Variants in GCM1 observed in about 807,000 individuals in gnomAD.
GCM1 encodes chorion-specific transcription factor GCMa.
Under a neutral mutation model 25.7 loss-of-function variants are expected in GCM1, and 2 were observed. The observed-to-expected ratio is 0.08, with a 90% confidence interval of 0.03 to 0.24. GCM1 has a LOEUF of 0.24. GCM1 is among the 10% of genes least tolerant of loss of function. GCM1 has a pLI of 1.00. For synonymous variants in GCM1, 183 were observed against 195.7 expected (o/e 0.94, Z 0.54); for missense variants, 395 against 538.7 (o/e 0.73, Z 2.64).
intron 2 of GCM1, among the ~76,000 whole-genome samples, chr6:53,141,726 G>T (rs913996522): frequency 6.6e-6 from 1 of 151,512 alleles, no homozygotes; most frequent in East Asian, 1.9e-4. Context: ...CTTGAAGCCC[G>T]GGTGCAATGG....
intron 1 of GCM1, among the ~76,000 whole-genome samples, chr6:53,146,801 G>T (rs2127511646): frequency 6.6e-6 from 1 of 152,278 alleles, no homozygotes; most frequent in East Asian, 1.9e-4. Flanking sequence ...GGGAGGCCAA[G>T]ACACATGTAT....
intron 2 of GCM1, among the ~76,000 whole-genome samples, 171 bp downstream of exon 2, chr6:53,145,387 G>A (rs1278385750): frequency 2.6e-5 from 4 of 152,142 alleles, no homozygotes; most frequent in Admixed American, 2.6e-4. Context: ...TCAAATCATA[G>A]GTCTTGCCAT....
At chr6:53,143,116 A>G (rs1459826219) in intron 2 of GCM1, among the ~76,000 whole-genome samples, 1 of 152,190 alleles carries the variant, frequency 6.6e-6, no homozygotes, top group Non-Finnish European at 1.5e-5. Context: ...CTCAGAAAAT[A>G]CTAAGGAATA....
At chr6:53,143,943 C>G (rs1483984565) in intron 2 of GCM1, among the ~76,000 whole-genome samples, 2 of 152,120 alleles carry the variant, frequency 1.3e-5, no homozygotes, top group East Asian at 1.9e-4. Context: ...AATCTCTATT[C>G]CCTCTCCCCT....
rs571791546 is a variant in GCM1 at position 53,144,247 on chromosome 6, C to A, written c.75+1311G>T. 2.4e-4 allele frequency among the ~76,000 whole-genome samples: 37 copies of A among 151,616 alleles called. 1 individual carries two copies. Among genetic ancestry groups the A allele is most frequent in the African/African-American group, 7.3e-4 (30 of 41,018 alleles). ...GACCAACTTGGGCAACATTGTGAGA[C>A]CCTCCTCTCAAAAACATTTTTTTTT... On this transcript the variant is annotated intron_variant, in intron 2 of 5. Coordinates refer to ENST00000259803, the MANE Select transcript of GCM1 (RefSeq NM_003643.4).
intron 2 of GCM1, among the ~76,000 whole-genome samples, chr6:53,143,982 C>T (rs1179256496): frequency 6.6e-6 from 1 of 152,094 alleles, no homozygotes; most frequent in Admixed American, 6.5e-5. Flanking sequence ...TCCTTATTAC[C>T]CAGAATCAGG....
Position 53,128,519 on chromosome 6 carries a change from G to A in GCM1, c.998C>T (p.Ser333Phe). 1.2e-6 allele frequency: 2 copies of A among 1,614,098 alleles called. No individual in the cohort carries two copies. The highest frequency in any genetic ancestry group is 1.7e-6 in the Non-Finnish European group (2 of 1,179,968). ...AAGCTGCTGGTAAAAGGGTTCTGAA[G>A]AGTTTTGGGAAGGAGAGAAGCTGCA... ...WPCSFSPSQN[S>F]SEPFYQQLPL... The change falls in exon 6 of 6, where the codon TCT (serine) becomes TTT (phenylalanine). Residue 333 changes from serine to phenylalanine, a missense_variant. Transcript: ENST00000259803.
intron 2 of GCM1, among the ~76,000 whole-genome samples, chr6:53,142,473 G>A (rs1406285663): frequency 3.3e-5 from 5 of 152,140 alleles, no homozygotes; most frequent in African/African-American, 9.7e-5. Flanking sequence ...GTTGAACTTC[G>A]TATTGCTCTT....
At chr6:53,142,036 A>C (rs1325281326) in intron 2 of GCM1, among the ~76,000 whole-genome samples, 1 of 132,830 alleles carries the variant, frequency 7.5e-6, no homozygotes, top group African/African-American at 3.0e-5. Context: ...AAAAAAAAAA[A>C]AAAAACAGAA....
At chr6:53,141,091 A>G (rs1420169180) in intron 2 of GCM1, among the ~76,000 whole-genome samples, 1 of 152,078 alleles carries the variant, frequency 6.6e-6, no homozygotes. Flanking sequence ...CACTCCTTTC[A>G]AACTCCTCTA....
intron 3 of GCM1, 92 bp from the exon 4 acceptor site, chr6:53,132,211 A>G: frequency 1.3e-6 from 1 of 793,772 alleles, no homozygotes; most frequent in South Asian, 1.4e-5. Flanking sequence ...CCCTGACTCA[A>G]GGACGGCAGA....
intron 2 of GCM1, among the ~76,000 whole-genome samples, chr6:53,143,766 T>C (rs934190341): frequency 4.6e-5 from 7 of 151,790 alleles, no homozygotes; most frequent in Admixed American, 3.3e-4. Context: ...TGGGGCACAC[T>C]TTCTGTTCTC....
intron 3 of GCM1, 67 bp downstream of exon 3, chr6:53,133,997 GGACACAGT>G: frequency 7.0e-7 from 1 of 1,424,216 alleles, no homozygotes; most frequent in Non-Finnish European, 9.7e-7. Flanking sequence ...GGCGGTGCTG[GGACACAGT>G]GACCCATCTG....
At position 53,145,747 on chromosome 6, in the gene GCM1, A is replaced by G. The variant is rs1763945275; in HGVS notation, c.-115T>C. ...GGATCGGCCCACTCAAGCACCTTGGACCAGGAGATTGTTTTCTAGGGCTAA... is the reference window on the plus strand; with the variant it reads ...GGATCGGCCCACTCAAGCACCTTGGGCCAGGAGATTGTTTTCTAGGGCTAA... On this transcript the variant is annotated 5_prime_UTR_variant, in exon 2 of 6. Coordinates refer to ENST00000259803, the MANE Select transcript of GCM1 (RefSeq NM_003643.4). The G allele has an allele frequency of 1.5e-6, 1 of 665,208 alleles. No individual in the cohort carries two copies. The highest frequency in any genetic ancestry group is 1.8e-5 in the South Asian group (1 of 54,584). The allele number at this position is 665,208 out of a possible 1,614,324, so 41.2% of individuals were successfully genotyped here.
intron 1 of GCM1, among the ~76,000 whole-genome samples, chr6:53,146,202 A>ATGTG (rs776589342): frequency 5.3e-5 from 5 of 94,178 alleles, no homozygotes; most frequent in South Asian, 4.0e-4. Flanking sequence ...TTTTATATAT[A>ATGTG]TATATATATA....
chr6:53,130,897 G>T lies in GCM1; in HGVS notation c.476C>A (p.Thr159Asn), dbSNP rs1216774593. The T allele has an allele frequency of 6.2e-7, 1 of 1,613,906 alleles. No homozygotes were observed. The highest frequency in any genetic ancestry group is 1.7e-5 in the Admixed American group (1 of 60,024). ...KGEHDHPKPE[T>N]KLEAEARRAM... ...TCTTCTTGCCTCAGCTTCTAACTTGGTTTCTGGTTTTGGATGATCATGCTC... is the reference window on the plus strand; with the variant it reads ...TCTTCTTGCCTCAGCTTCTAACTTGTTTTCTGGTTTTGGATGATCATGCTC... Residue 159 changes from threonine to asparagine, a missense_variant, in exon 5 of 6, where the codon ACC becomes AAC. Transcript: ENST00000259803.
In GCM1 at chr6:53,127,371, T is replaced by C. The variant is rs755625560; in HGVS notation, c.*835A>G. 6 of 152,302 alleles carry C rather than the reference T, an allele frequency of 3.9e-5. No individual in the cohort carries two copies. The South Asian group carries it at 6.2e-4, about 16-fold the overall frequency. 9.4% of individuals were successfully genotyped at this position (152,302 alleles called of 1,614,324 possible). A position where few individuals can be genotyped will look rare whatever the true frequency, so the allele number is the denominator to read the frequency against. On this transcript the variant is annotated 3_prime_UTR_variant, in exon 6 of 6. Transcript: ENST00000259803. ...TCTCAGAAATCATCTAGAAAACATA[T>C]ATTTTACACACTAGTCTCACAACTA...
chr6:53,148,133 A>G (rs1413793984), intron 1 of GCM1, among the ~76,000 whole-genome samples: 1 of 152,226 alleles, frequency 6.6e-6, no homozygotes, highest in Non-Finnish European at 1.5e-5. Context: ...GTTACTGAAG[A>G]AATGATGCCG....
intron 1 of GCM1, among the ~76,000 whole-genome samples, chr6:53,147,425 G>GTTTTTTTTTTTTTTT (rs70980807): frequency 1.1e-5 from 1 of 93,574 alleles, no homozygotes. Context: ...AGTTTTTATT[G>GTTTTTTTTTTTTTTT]TTTTTTTTTT....
Sources: gnomAD v4.1 joint callset for allele counts (sites outside exome capture counted in the v4.1 genomes callset) on GRCh38, gnomAD v4.1.1 for gene constraint, MANE v1.5 for transcripts, NCBI Gene and HGNC (gene_info 2026-07-23, HGNC 2026-07-21) for gene names.